Variants in ARHGAP32 observed in about 807,000 individuals in gnomAD.
ARHGAP32 encodes Rho GTPase activating protein 32.
Under a neutral mutation model 186.5 loss-of-function variants are expected in ARHGAP32, and 51 were observed. The observed-to-expected ratio is 0.27, with a 90% CI of 0.22 to 0.35. The LOEUF is 0.35. Ranked by LOEUF, ARHGAP32 falls within the 10% of genes least tolerant of loss-of-function variation. The pLI is 1.00. For missense variants in ARHGAP32, 2,186 were observed against 2,623.5 expected (o/e 0.83, Z 3.64); for synonymous variants, 950 against 964.3 (o/e 0.99, Z 0.27).
intron 1 of ARHGAP32, among the ~76,000 whole-genome samples, chr11:129,255,145 T>C (rs1223449798): frequency 6.6e-6 from 1 of 152,072 alleles, no homozygotes; most frequent in Non-Finnish European, 1.5e-5. Flanking sequence ...AAACGTGTCA[T>C]AAAGTTATAA....
upstream of ARHGAP32, among the ~76,000 whole-genome samples, chr11:129,194,592 T>C (rs1180043822): frequency 6.6e-6 from 1 of 151,868 alleles, no homozygotes; most frequent in Non-Finnish European, 1.5e-5. Flanking sequence ...AAGAAGAGGA[T>C]CAGTACTAGT....
chr11:129,081,357 C>A (rs1941214386), intron 6 of ARHGAP32, among the ~76,000 whole-genome samples: 1 of 151,888 alleles, frequency 6.6e-6, no homozygotes, highest in African/African-American at 2.4e-5. Context: ...ATGTAAAAAT[C>A]CTCAACAAAA....
At chr11:129,176,441 T>C (rs1476015401) in intron 1 of ARHGAP32, among the ~76,000 whole-genome samples, 1 of 82,656 alleles carries the variant, frequency 1.2e-5, no homozygotes, top group Non-Finnish European at 2.9e-5. Context: ...GCGGACCTAA[T>C]AGACATCTAC....
At position 128,968,155 on chromosome 11, in the gene ARHGAP32, T is replaced by C. The variant is rs980129526; in HGVS notation, c.*752A>G. ...TTCCACCTAAAGAAGTTTCCTTAAG[T>C]ACTAACTTTTAAAAGTCCATTCTGT... is the stretch of plus-strand genomic sequence containing the variant. On this transcript the variant is annotated 3_prime_UTR_variant, in exon 23 of 23. Coordinates refer to ENST00000682385, the MANE Select transcript of ARHGAP32 (RefSeq NM_001378024.1). The C allele has an allele frequency of 2.6e-4, 40 of 152,082 alleles. No individual in the cohort carries two copies. Among genetic ancestry groups the C allele is most frequent in the African/African-American group, 9.2e-4 (38 of 41,408 alleles). The allele number at this position is 152,082 out of a possible 1,614,324, so 9.4% of individuals were successfully genotyped here.
At chr11:129,075,802 G>A (rs1941020417) in intron 6 of ARHGAP32, among the ~76,000 whole-genome samples, 1 of 152,148 alleles carries the variant, frequency 6.6e-6, no homozygotes, top group Non-Finnish European at 1.5e-5. Flanking sequence ...TTCATAATAT[G>A]TCTGCTCACA....
At chr11:129,255,397 A>T (rs1945241887) in intron 1 of ARHGAP32, among the ~76,000 whole-genome samples, 1 of 152,144 alleles carries the variant, frequency 6.6e-6, no homozygotes, top group South Asian at 2.1e-4. Flanking sequence ...GAAAAAATGC[A>T]GATCTAAACA....
chr11:129,037,551 T>G (rs181073660), intron 11 of ARHGAP32, among the ~76,000 whole-genome samples: 1 of 151,934 alleles, frequency 6.6e-6, no homozygotes, highest in African/African-American at 2.4e-5. Context: ...ACATCCCTTG[T>G]TCAGGGATTA....
In ARHGAP32 at chr11:128,973,458, G is replaced by T. The variant is rs74711493; in HGVS notation, c.3074-26C>A. ...CTAGTGGGAAATTGGGAAAAAAAAT[G>T]AGAGTGAAAAGGTAGCTTACGTTAT... On this transcript the variant is annotated intron_variant, in intron 21 of 22. Coordinates refer to ENST00000682385, the MANE Select transcript of ARHGAP32 (RefSeq NM_001378024.1). 83 of 1,607,816 alleles carry T rather than the reference G, an allele frequency of 5.2e-5. 1 individual carries two copies. In the African/African-American group the frequency reaches 9.5e-4, roughly 18 times the overall value.
intron 11 of ARHGAP32, among the ~76,000 whole-genome samples, chr11:129,026,757 G>A (rs927575647): frequency 7.4e-5 from 10 of 134,424 alleles, no homozygotes; most frequent in Admixed American, 4.1e-4. Flanking sequence ...GCCAAGTAGC[G>A]CCATTGCACT....
At chr11:129,010,835 T>C (rs1400407820) in intron 11 of ARHGAP32, among the ~76,000 whole-genome samples, 1 of 152,224 alleles carries the variant, frequency 6.6e-6, no homozygotes, top group Non-Finnish European at 1.5e-5. Context: ...CCAAAATACA[T>C]GTTAACAGTA....
chr11:129,224,083 T>C (rs1027174225), intron 1 of ARHGAP32, among the ~76,000 whole-genome samples: 1 of 152,168 alleles, frequency 6.6e-6, no homozygotes, highest in Non-Finnish European at 1.5e-5. Flanking sequence ...CTGATCTAAG[T>C]GCACTGTTGT....
intron 11 of ARHGAP32, among the ~76,000 whole-genome samples, chr11:129,017,110 G>A (rs1203270163): frequency 1.3e-5 from 2 of 152,074 alleles, no homozygotes; most frequent in Admixed American, 1.3e-4. Context: ...GCTCCTAACG[G>A]TATGATTATG....
intron 1 of ARHGAP32, among the ~76,000 whole-genome samples, chr11:129,272,212 A>G (rs1002553342): frequency 2.0e-5 from 3 of 152,224 alleles, no homozygotes; most frequent in Admixed American, 2.0e-4. Flanking sequence ...AGGCATCAGT[A>G]GCTCAAGAGA....
intron 5 of ARHGAP32, among the ~76,000 whole-genome samples, chr11:129,120,029 G>C (rs1250662164): frequency 6.6e-6 from 1 of 152,094 alleles, no homozygotes; most frequent in East Asian, 1.9e-4. Context: ...AAAGTGACAT[G>C]ATTGGACTTA....
chr11:129,243,162 A>T (rs1328204147), intron 1 of ARHGAP32, among the ~76,000 whole-genome samples: 1 of 152,146 alleles, frequency 6.6e-6, no homozygotes, highest in Non-Finnish European at 1.5e-5. Flanking sequence ...ATACTAGCTC[A>T]TCCTCATTAT....
rs781699325 is a variant in ARHGAP32, at chr11:128,974,538, T to C, written c.2659A>G (p.Thr887Ala). 10 of 1,614,098 alleles carry C rather than the reference T, an allele frequency of 6.2e-6. No homozygotes were observed. In the South Asian group the frequency reaches 6.6e-5, roughly 11 times the overall value. The part of the protein sequence containing the change: ...SPFFTLDLSP[T>A]EDKSSKPSSF... ...GATGGCTTAGATGATTTATCTTCAG[T>C]TGGGCTCAAGTCCAGGGTAAAGAAT... is the stretch of plus-strand genomic sequence containing the variant. Residue 887 changes from threonine (T) to alanine (A), a missense_variant, in exon 21 of 23, where the codon ACT becomes GCT. Transcript: ENST00000682385.
chr11:129,052,079 CTA>C (rs1263814908), intron 10 of ARHGAP32, among the ~76,000 whole-genome samples: 1 of 150,272 alleles, frequency 6.7e-6, no homozygotes, highest in Non-Finnish European at 1.5e-5. Context: ...GGTATATTAT[CTA>C]TTTTAATTTT....
intron 2 of ARHGAP32, among the ~76,000 whole-genome samples, chr11:129,157,871 C>CA (rs778140064): frequency 2.6e-5 from 4 of 152,174 alleles, no homozygotes; most frequent in Non-Finnish European, 5.9e-5. Context: ...ATCAGACTGA[C>CA]AGCAGAGCTC....
intron 1 of ARHGAP32, among the ~76,000 whole-genome samples, chr11:129,223,353 C>T (rs1250741867): frequency 6.6e-6 from 1 of 150,952 alleles, no homozygotes; most frequent in Non-Finnish European, 1.5e-5. Flanking sequence ...AGCTGTGGTA[C>T]CAGTGGAATT....
Sources: gnomAD v4.1 joint callset for allele counts (sites outside exome capture counted in the v4.1 genomes callset) on GRCh38, gnomAD v4.1.1 for gene constraint, MANE v1.5 for transcripts, NCBI Gene and HGNC (gene_info 2026-07-23, HGNC 2026-07-21) for gene names.